The following MYO10 variants were observed in gnomAD, a reference collection of about 807,000 sequenced individuals.
The protein encoded by MYO10 is myosin X, also known as unconventional myosin-X.
A neutral mutation model predicts 257.3 loss-of-function variants in MYO10; 133 were observed. The observed-to-expected ratio is 0.52, with a 90% CI of 0.45 to 0.60. The LOEUF (loss-of-function observed/expected upper bound fraction) is 0.60. Among genes scored for constraint, MYO10 ranks in the 20% least tolerant of loss-of-function variants. MYO10 has a pLI of 0.00. For synonymous variants in MYO10, 1,104 were observed against 1,028.6 expected, an observed-to-expected ratio of 1.07 and a Z score of -1.40; for missense variants, 2,399 against 2,635.7, an observed-to-expected ratio of 0.91 and a Z score of 1.97.
intron 10 of MYO10, among the ~76,000 whole-genome samples, chr5:16,768,247 C>T (rs762216642): frequency 2.2e-4 from 34 of 152,064 alleles, no homozygotes; most frequent in Non-Finnish European, 4.7e-4. Context: ...TGACAACTGA[C>T]GTAGCTATAT....
At position 16,702,560 on chromosome 5, in the gene MYO10, C is replaced by T. The variant is rs1203961371; in HGVS notation, c.2539G>A (p.Glu847Lys). 3 of 1,591,324 alleles carry T rather than the reference C, an allele frequency of 1.9e-6. No individual in the cohort carries two copies. The highest frequency in any genetic ancestry group is 2.6e-6 in the Non-Finnish European group (3 of 1,168,444). ...RERERERREAELRAQQEEETR... is the reference protein window; with the variant it reads ...RERERERREAKLRAQQEEETR... ...CTCATTACCTGCTGGGCGCGGAGCT[C>T]GGCTTCTCTTCGCTCTCTCTCTCTT... Residue 847 changes from glutamate (E) to lysine (K), a missense_variant, in exon 24 of 41, where the codon GAG becomes AAG. By Grantham distance (56) the Glu-to-Lys change is moderately conservative. Coordinates refer to ENST00000513610, the MANE Select transcript of MYO10 (RefSeq NM_012334.3).
At chr5:16,894,296 G>T (rs1001821152) in intron 1 of MYO10, among the ~76,000 whole-genome samples, 1 of 152,112 alleles carries the variant, frequency 6.6e-6, no homozygotes, top group Non-Finnish European at 1.5e-5. Context: ...AGAAATGCTG[G>T]TCAGGTATTC....
chr5:16,742,209 C>A, intron 19 of MYO10: 1 of 985,346 alleles, frequency 1.0e-6, no homozygotes, highest in Non-Finnish European at 1.2e-6. Context: ...ACCCAGAGAA[C>A]AAGAACAGCA....
chr5:16,934,670 A>C (rs1431582218), intron 1 of MYO10, among the ~76,000 whole-genome samples: 18 of 152,234 alleles, frequency 1.2e-4, no homozygotes, highest in Admixed American at 1.2e-3. Context: ...CACATCTGAA[A>C]CACCACTTTT....
At chr5:16,870,414 T>C (rs2126755310) in intron 2 of MYO10, among the ~76,000 whole-genome samples, 1 of 151,556 alleles carries the variant, frequency 6.6e-6, no homozygotes, top group East Asian at 2.0e-4. Context: ...TCCAGCAACA[T>C]AATATCACCA....
At chr5:16,812,271 G>A (rs966704314) in intron 3 of MYO10, among the ~76,000 whole-genome samples, 35 of 152,194 alleles carry the variant, frequency 2.3e-4, no homozygotes, top group Admixed American at 6.5e-5. Flanking sequence ...ATCTAACAGG[G>A]GCATAGAAGG....
At chr5:16,928,581 C>T (rs971435464) in intron 1 of MYO10, among the ~76,000 whole-genome samples, 1 of 152,048 alleles carries the variant, frequency 6.6e-6, no homozygotes, top group Non-Finnish European at 1.5e-5. Flanking sequence ...CATGACGGCT[C>T]ACACCTGTAA....
intron 1 of MYO10, among the ~76,000 whole-genome samples, chr5:16,910,415 C>G (rs1014546987): frequency 1.3e-5 from 2 of 152,112 alleles, no homozygotes; most frequent in African/African-American, 4.8e-5. Flanking sequence ...CAGAGATCCA[C>G]CCAGGTCTTC....
intron 1 of MYO10, among the ~76,000 whole-genome samples, chr5:16,895,746 ACAC>A (rs1219914294): frequency 8.3e-6 from 1 of 119,826 alleles, no homozygotes; most frequent in Non-Finnish European, 1.7e-5. Flanking sequence ...CCCCTCCCCA[ACAC>A]CACAACACAC....
intron 2 of MYO10, among the ~76,000 whole-genome samples, chr5:16,870,786 G>A (rs1222304656): frequency 1.3e-5 from 2 of 152,126 alleles, no homozygotes; most frequent in Admixed American, 6.5e-5. Context: ...CAGCTACTCA[G>A]GAGGCTGAGG....
intron 4 of MYO10, among the ~76,000 whole-genome samples, chr5:16,793,508 A>T (rs1741833575): frequency 6.6e-6 from 1 of 152,060 alleles, no homozygotes; most frequent in Admixed American, 6.6e-5. Context: ...TTTTTAGTAG[A>T]AATGGGGTTT....
At chr5:16,876,201 A>T (rs1453908645) in intron 2 of MYO10, among the ~76,000 whole-genome samples, 2 of 152,206 alleles carry the variant, frequency 1.3e-5, no homozygotes, top group Non-Finnish European at 2.9e-5. Context: ...TTAAGTCTTA[A>T]ATTTTAATAT....
At chr5:16,703,270 G>C (rs1295170704) in intron 22 of MYO10, 112 bp from the exon 23 acceptor site, 1 of 773,790 alleles carries the variant, frequency 1.3e-6, no homozygotes, top group East Asian at 2.7e-5. Context: ...TTTAGAATGA[G>C]ACTCTCATTA....
chr5:16,875,847 A>T (rs960035755), intron 2 of MYO10, among the ~76,000 whole-genome samples: 1 of 152,188 alleles, frequency 6.6e-6, no homozygotes, highest in African/African-American at 2.4e-5. Flanking sequence ...GGTTTTGGCC[A>T]GGGATGGTGG....
intron 1 of MYO10, among the ~76,000 whole-genome samples, chr5:16,934,518 A>G (rs187500341): frequency 6.6e-6 from 1 of 152,216 alleles, no homozygotes; most frequent in Non-Finnish European, 1.5e-5. Flanking sequence ...GTGCCTTTCG[A>G]CAAGCATGAA....
intron 28 of MYO10, 86 bp downstream of exon 28, chr5:16,689,733 CCAGTA>C (rs1737408612): frequency 2.8e-6 from 3 of 1,062,040 alleles, no homozygotes; most frequent in Non-Finnish European, 2.9e-6. Context: ...TTTTTCAAGG[CCAGTA>C]CAGTAAACAG....
intron 19 of MYO10, among the ~76,000 whole-genome samples, chr5:16,729,695 C>T (rs539507268): frequency 6.6e-5 from 10 of 152,250 alleles, no homozygotes; most frequent in Admixed American, 2.6e-4. Flanking sequence ...CCACCCGCCT[C>T]GGCCTCCCAA....
At position 16,754,811 on chromosome 5, in the gene MYO10, A is replaced by G. The variant is rs1229874671; in HGVS notation, c.1929+17T>C. ...CCCTCGAGACAGATCCCAGCCTAGG[A>G]CTGTCATCAATCTTACCTTCTGCAT... is the stretch of plus-strand genomic sequence containing the variant. On this transcript the variant is annotated intron_variant, in intron 19 of 40. Coordinates refer to ENST00000513610, the MANE Select transcript of MYO10 (RefSeq NM_012334.3). 1 of 1,573,758 alleles carries G rather than the reference A, an allele frequency of 6.4e-7. No homozygotes were observed. The highest frequency in any genetic ancestry group is 1.3e-5 in the African/African-American group (1 of 74,434).
At chr5:16,877,787 T>C (rs1191095105) in intron 1 of MYO10, 80 bp from the exon 2 acceptor site, 1 of 980,510 alleles carries the variant, frequency 1.0e-6, no homozygotes, top group Non-Finnish European at 1.5e-6. Flanking sequence ...TTACCCTAAC[T>C]CCTATATTCC....
Sources: allele counts gnomAD v4.1 joint callset (sites outside exome capture counted in the v4.1 genomes callset), GRCh38; gene constraint gnomAD v4.1.1; transcripts MANE v1.5; gene names NCBI Gene and HGNC (gene_info 2026-07-23, HGNC 2026-07-21).